Variants in CNTNAP2 observed in about 807,000 individuals in gnomAD.
CNTNAP2 encodes the protein contactin associated protein 2, also known as contactin-associated protein-like 2.
In CNTNAP2, 98 loss-of-function variants were observed where a neutral mutation model predicts 155.2. That is an observed-to-expected ratio of 0.63 (90% CI 0.54 to 0.75). The LOEUF is 0.75. Among genes scored for constraint, CNTNAP2 ranks in the 30% least tolerant of loss-of-function variants. The pLI is 0.00. For missense variants in CNTNAP2, 1,727 were observed against 1,688.1 expected (o/e 1.02, Z -0.40); for synonymous variants, 651 against 631.2 (o/e 1.03, Z -0.47).
At chr7:148,179,692 G>A (rs1207707887) in intron 18 of CNTNAP2, among the ~76,000 whole-genome samples, 1 of 150,886 alleles carries the variant, frequency 6.6e-6, no homozygotes, top group Non-Finnish European at 1.5e-5. Context: ...GAAAGGGAAA[G>A]AAAGAAAAGG....
chr7:147,968,031 C>T (rs1343586153), intron 14 of CNTNAP2, among the ~76,000 whole-genome samples: 2 of 152,056 alleles, frequency 1.3e-5, no homozygotes, highest in Non-Finnish European at 2.9e-5. Context: ...TTTAGAGCTG[C>T]GCCTAGTTAA....
chr7:147,266,494 C>T (rs903884803), intron 8 of CNTNAP2, among the ~76,000 whole-genome samples: 23 of 152,186 alleles, frequency 1.5e-4, no homozygotes, highest in Middle Eastern at 3.2e-3. Flanking sequence ...TATCTCCATG[C>T]TTCTGGTGCT....
intron 1 of CNTNAP2, among the ~76,000 whole-genome samples, chr7:146,694,619 C>G (rs535818128): frequency 1.3e-5 from 2 of 152,178 alleles, no homozygotes; most frequent in South Asian, 4.1e-4. Context: ...ATCAGTGTGT[C>G]AATATTTACA....
intron 1 of CNTNAP2, among the ~76,000 whole-genome samples, chr7:146,511,355 CTTG>C (rs1270180347): frequency 1.1e-4 from 16 of 152,134 alleles, no homozygotes; most frequent in Non-Finnish European, 1.9e-4. Flanking sequence ...AGCGGTTAAC[CTTG>C]TTGTTCCAGA....
chr7:147,241,758 C>G (rs941185033), intron 8 of CNTNAP2, among the ~76,000 whole-genome samples: 7 of 151,184 alleles, frequency 4.6e-5, no homozygotes, highest in African/African-American at 1.7e-4. Flanking sequence ...GTTGAAACAA[C>G]TGAGAGGTGA....
At chr7:147,414,941 CAAAA>C (rs67048724) in intron 10 of CNTNAP2, among the ~76,000 whole-genome samples, 1 of 50,952 alleles carries the variant, frequency 2.0e-5, no homozygotes, top group African/African-American at 6.6e-5. Context: ...GACTCCTTCT[CAAAA>C]AAAAAAAAAA....
chr7:148,068,668 G>A (rs1015347256), intron 15 of CNTNAP2, among the ~76,000 whole-genome samples: 4 of 152,190 alleles, frequency 2.6e-5, no homozygotes, highest in Admixed American at 1.3e-4. Context: ...CCTTTTCTAG[G>A]GCTGATTTTT....
At chr7:146,463,192 G>A (rs1318605488) in intron 1 of CNTNAP2, among the ~76,000 whole-genome samples, 1 of 152,136 alleles carries the variant, frequency 6.6e-6, no homozygotes, top group Non-Finnish European at 1.5e-5. Flanking sequence ...GAAGAGAACT[G>A]TTATCTTGCT....
intron 1 of CNTNAP2, among the ~76,000 whole-genome samples, chr7:146,744,227 C>CA (rs60606492): frequency 0.037 from 1,767 of 47,260 alleles, 68 homozygotes; most frequent in Non-Finnish European, 0.044. Context: ...CACTCTGTCT[C>CA]AAAAAAAAAA....
chr7:146,928,613 C>G (rs901131033), intron 3 of CNTNAP2, among the ~76,000 whole-genome samples: 1 of 152,034 alleles, frequency 6.6e-6, no homozygotes, highest in Admixed American at 6.5e-5. Context: ...GCACCGTGCA[C>G]GAGCCGAAGC....
chr7:148,026,171 A>C (rs1284634128), intron 15 of CNTNAP2, among the ~76,000 whole-genome samples: 2 of 152,164 alleles, frequency 1.3e-5, no homozygotes, highest in Admixed American at 1.3e-4. Flanking sequence ...AATACTAGCC[A>C]GGTGTGGCGG....
rs996820955 is a variant in CNTNAP2, at chr7:147,489,172, C to T, written c.1777+3131C>T. Among the ~76,000 whole-genome samples the T allele has an allele frequency of 2.0e-5, 3 of 152,140 alleles. No homozygotes were observed. In the East Asian group the frequency reaches 5.8e-4, roughly 29 times the overall value. ...AGTATGCCTCCTAAACCTATGTCTC[C>T]TGTTTTCATTTGTTAGTTTGTGTGT... On this transcript the variant is annotated intron_variant, in intron 11 of 23. Coordinates refer to ENST00000361727, the MANE Select transcript of CNTNAP2 (RefSeq NM_014141.6).
intron 9 of CNTNAP2, among the ~76,000 whole-genome samples, chr7:147,325,254 C>A (rs867782998): frequency 6.6e-6 from 1 of 152,074 alleles, no homozygotes. Context: ...GAGCCGAGAT[C>A]GCGCCACTAC....
intron 17 of CNTNAP2, among the ~76,000 whole-genome samples, chr7:148,161,603 T>C (rs1805543232): frequency 6.6e-6 from 1 of 152,054 alleles, no homozygotes; most frequent in Non-Finnish European, 1.5e-5. Context: ...GGGACAGCCA[T>C]CTTCCACTGT....
chr7:147,184,947 G>T (rs923517719), intron 8 of CNTNAP2, among the ~76,000 whole-genome samples: 6 of 152,022 alleles, frequency 3.9e-5, no homozygotes, highest in Non-Finnish European at 8.8e-5. Flanking sequence ...GGAAAACGTT[G>T]GTAATGCCAG....
At chr7:147,842,246 A>G (rs1345478657) in intron 13 of CNTNAP2, among the ~76,000 whole-genome samples, 1 of 152,262 alleles carries the variant, frequency 6.6e-6, no homozygotes, top group Non-Finnish European at 1.5e-5. Flanking sequence ...CTGTGTGATC[A>G]GAGGAGAGCA....
chr7:147,205,765 T>G (rs545484833), intron 8 of CNTNAP2, among the ~76,000 whole-genome samples: 3 of 151,884 alleles, frequency 2.0e-5, no homozygotes, highest in African/African-American at 7.2e-5. Flanking sequence ...AGAAGGTGAT[T>G]AAGAAGAGTT....
chr7:148,283,255 A>AAAAGAAAGAAAGAAAG (rs1199149066), intron 21 of CNTNAP2, among the ~76,000 whole-genome samples: 37 of 63,626 alleles, frequency 5.8e-4, no homozygotes, highest in African/African-American at 1.0e-3. Flanking sequence ...AAAAAAAAAA[A>AAAAGAAAGAAAGAAAG]AAAGAAAGAA....
intron 4 of CNTNAP2, among the ~76,000 whole-genome samples, chr7:147,091,064 T>C (rs1023808925): frequency 1.3e-5 from 2 of 152,082 alleles, no homozygotes; most frequent in South Asian, 4.1e-4. Flanking sequence ...TAAAGTGATG[T>C]CAGCTTTCTC....
Sources: allele counts gnomAD v4.1 joint callset (sites outside exome capture counted in the v4.1 genomes callset), GRCh38; gene constraint gnomAD v4.1.1; transcripts MANE v1.5; gene names NCBI Gene and HGNC (gene_info 2026-07-23, HGNC 2026-07-21).